BCL11B: variants seen among roughly 807,000 people sequenced by gnomAD.
The protein encoded by BCL11B is BCL11 transcription factor B, also known as B-cell lymphoma/leukemia 11B.
Under a neutral mutation model 49.9 loss-of-function variants are expected in BCL11B, and 8 were observed. The observed-to-expected ratio is 0.16, with a 90% CI of 0.09 to 0.29. The LOEUF (loss-of-function observed/expected upper bound fraction) is 0.29, where lower values mean the gene tolerates loss of function less well. Among genes scored for constraint, BCL11B ranks in the 10% least tolerant of loss-of-function variants. The probability of loss-of-function intolerance (pLI) is 1.00; values close to 1 mark genes in which losing one functional copy is unlikely to be tolerated. For missense variants in BCL11B, 1,006 were observed against 1,351.0 expected (o/e 0.74, Z 4.00); for synonymous variants, 739 against 637.4 (o/e 1.16, Z -2.40).
intron 2 of BCL11B, among the ~76,000 whole-genome samples, chr14:99,238,799 A>G (rs1297150128): frequency 1.3e-5 from 2 of 152,222 alleles, no homozygotes; most frequent in Non-Finnish European, 2.9e-5. Flanking sequence ...TCACGGCTTC[A>G]GGACACAGAT....
At chr14:99,270,110 T>A (rs903427504) in intron 1 of BCL11B, among the ~76,000 whole-genome samples, 5 of 151,758 alleles carry the variant, frequency 3.3e-5, no homozygotes, top group African/African-American at 7.3e-5. Flanking sequence ...CTCTGCTAAA[T>A]AAACCCAACA....
At chr14:99,197,770 C>T (rs577846954) in intron 3 of BCL11B, among the ~76,000 whole-genome samples, 6 of 152,158 alleles carry the variant, frequency 3.9e-5, no homozygotes, top group Admixed American at 6.5e-5. Context: ...GACTCAGAGA[C>T]GGAGGCCATC....
chr14:99,230,439 A>G lies in BCL11B; in HGVS notation c.640+906T>C, dbSNP rs192101609. 5.8e-3 allele frequency among the ~76,000 whole-genome samples: 889 copies of G among 152,168 alleles called. 10 individuals carry two copies. The highest frequency in any genetic ancestry group is 0.02 in the African/African-American group (841 of 41,520). ...AAACCAGGCCACGGCTGCTCACCAC[A>G]TGTGTCTGTGTCAGCATCCTGGTTT... On this transcript the variant is annotated intron_variant, in intron 3 of 3. Coordinates refer to ENST00000357195, the MANE Select transcript of BCL11B (RefSeq NM_138576.4).
chr14:99,175,089 C>G lies in BCL11B; in HGVS notation c.1747G>C (p.Ala583Pro), dbSNP rs1025640501. The G allele has an allele frequency of 1.9e-6, 3 of 1,599,208 alleles. No individual in the cohort carries two copies. In the African/African-American group the frequency reaches 4.0e-5, roughly 21 times the overall value. The change falls in exon 4 of 4, where the codon GCG becomes CCG. Residue 583 changes from alanine (A) to proline (P), a missense_variant. Coordinates refer to ENST00000357195, the MANE Select transcript of BCL11B (RefSeq NM_138576.4). ...TTCTCGTCAGCCAGCGCCTTGGCCG[C>G]GCCGCCCCCCGCGCCCGGGACCCCG... ...VPGVPGAGGG[A>P]AKALADEKAL...
rs982147074 is a variant in BCL11B, at chr14:99,173,586, A to G, written c.*565T>C. ...AAAATTAAAAAATAATTAAAAAAAA[A>G]ACTGCATGCCACTTTTTATTTCAGG... On this transcript the variant is annotated 3_prime_UTR_variant, in exon 4 of 4. Transcript: ENST00000357195. 7 of 199,212 alleles carry G rather than the reference A, an allele frequency of 3.5e-5. No individual in the cohort carries two copies. Among genetic ancestry groups the G allele is most frequent in the Non-Finnish European group, 6.2e-5 (6 of 96,348 alleles). 12.3% of individuals were successfully genotyped at this position (199,212 alleles called of 1,614,324 possible).
At chr14:99,225,332 T>C (rs949986701) in intron 3 of BCL11B, among the ~76,000 whole-genome samples, 2 of 152,160 alleles carry the variant, frequency 1.3e-5, no homozygotes, top group African/African-American at 4.8e-5. Flanking sequence ...TGGTCTTAGA[T>C]TGTTATAGAC....
Position 99,173,990 on chromosome 14 carries a change from T to C in BCL11B, c.*161A>G, listed in dbSNP as rs1033693167. ...GCCTTAATCAACCCTCGGGTTTCCA[T>C]AGGACTTCGCAGACACAGGTTAGGT... On this transcript the variant is annotated 3_prime_UTR_variant, in exon 4 of 4. Transcript: ENST00000357195. The C allele has an allele frequency of 2.1e-5, 14 of 653,912 alleles. No individual in the cohort carries two copies. Among genetic ancestry groups the C allele is most frequent in the South Asian group, 3.8e-5 (2 of 52,318 alleles). 40.5% of individuals were successfully genotyped at this position (653,912 alleles called of 1,614,324 possible). A position where few individuals can be genotyped will look rare whatever the true frequency, so the allele number is the denominator to read the frequency against.
At chr14:99,240,138 A>G (rs1449998011) in intron 2 of BCL11B, among the ~76,000 whole-genome samples, 1 of 152,190 alleles carries the variant, frequency 6.6e-6, no homozygotes, top group Non-Finnish European at 1.5e-5. Context: ...CTTGTTTCAG[A>G]TGGAACAGAA....
At position 99,175,948 on chromosome 14, in the gene BCL11B, G is replaced by A. The variant is rs1452183907; in HGVS notation, c.888C>T (p.Gly296=). The stretch of plus-strand genomic sequence containing the variant: ...AGCCCGGGTGGTCCCGCAGGATGGG[G>A]CCCGTCATGCGCAGCAGGTTGAAGG... ...SNPFNLLRMT[G]PILRDHPGFG... is the part of the protein sequence containing the mutation. The change falls in exon 4 of 4, where the codon GGC becomes GGT. Residue 296 remains glycine, a synonymous_variant. Coordinates refer to ENST00000357195, the MANE Select transcript of BCL11B (RefSeq NM_138576.4). 1 of 1,458,016 alleles carries A rather than the reference G, an allele frequency of 6.9e-7. No homozygotes were observed. Among genetic ancestry groups the A allele is most frequent in the South Asian group, 1.4e-5 (1 of 69,244 alleles). 90.3% of individuals were successfully genotyped at this position (1,458,016 alleles called of 1,614,324 possible). A position where few individuals can be genotyped will look rare whatever the true frequency, so the allele number is the denominator to read the frequency against.
At chr14:99,186,641 A>G (rs1245279187) in intron 3 of BCL11B, among the ~76,000 whole-genome samples, 2 of 152,260 alleles carry the variant, frequency 1.3e-5, no homozygotes, top group African/African-American at 2.4e-5. Flanking sequence ...GCAAAATTGA[A>G]AAGGGAGAGG....
intron 3 of BCL11B, among the ~76,000 whole-genome samples, chr14:99,209,949 A>G (rs58404710): frequency 1.3e-5 from 2 of 152,252 alleles, no homozygotes; most frequent in East Asian, 1.9e-4. Context: ...TCCCATAACC[A>G]GGAAGACCTC....
At chr14:99,190,636 G>A (rs984496006) in intron 3 of BCL11B, among the ~76,000 whole-genome samples, 1 of 152,130 alleles carries the variant, frequency 6.6e-6, no homozygotes, top group Non-Finnish European at 1.5e-5. Context: ...AAAGGAGGGA[G>A]GAAGGGCAGT....
chr14:99,216,814 C>T (rs1000196459), intron 3 of BCL11B, among the ~76,000 whole-genome samples: 20 of 152,218 alleles, frequency 1.3e-4, no homozygotes, highest in African/African-American at 4.8e-4. Flanking sequence ...TCAACATGCA[C>T]ATATGCACAT....
Position 99,257,359 on chromosome 14 carries a change from G to T in BCL11B, c.427+112C>A. On this transcript the variant is annotated intron_variant, in intron 2 of 3. Transcript: ENST00000357195. The surrounding 1 kb of genome is among the most constrained non-coding windows in gnomAD (Gnocchi z 6.2). ...AGGGGGAGCCCCGGCTGGTGGCCCA[G>T]AGGCCATCCTGGAAGCCCCTGGGCC... 7.2e-7 allele frequency: 1 copy of T among 1,382,776 alleles called. No individual in the cohort carries two copies. Among genetic ancestry groups the T allele is most frequent in the Non-Finnish European group, 9.6e-7 (1 of 1,044,016 alleles). 85.7% of individuals were successfully genotyped at this position (1,382,776 alleles called of 1,614,324 possible). A position where few individuals can be genotyped will look rare whatever the true frequency, so the allele number is the denominator to read the frequency against.
At chr14:99,270,815 C>A (rs899757795) in intron 1 of BCL11B, among the ~76,000 whole-genome samples, 7 of 149,002 alleles carry the variant, frequency 4.7e-5, no homozygotes, top group African/African-American at 1.5e-4. Flanking sequence ...CCAGCGCCGC[C>A]GCCGCCACAC....
rs3916222 is a variant in BCL11B, at chr14:99,241,596, C to T, written c.428-10039G>A. 0.33 allele frequency among the ~76,000 whole-genome samples: 50,782 copies of T among 152,052 alleles called. 9,637 individuals carry two copies. Among genetic ancestry groups the T allele is most frequent in the Non-Finnish European group, 0.44 (29,653 of 67,940 alleles). ...TGACAGCTGCCTCCTGCCCTTGGAG[C>T]GGCCAAGTGCAAACAAAAATGAGAC... is the stretch of plus-strand genomic sequence containing the variant. On this transcript the variant is annotated intron_variant, in intron 2 of 3. Coordinates refer to ENST00000357195, the MANE Select transcript of BCL11B (RefSeq NM_138576.4). This position sits in a 1 kb window ranked among gnomAD's most constrained non-coding sequence, Gnocchi z 4.4.
Position 99,170,654 on chromosome 14 carries a change from C to T in BCL11B, c.*3497G>A, listed in dbSNP as rs556592297. 4.3e-6 allele frequency: 1 copy of T among 233,074 alleles called. No individual in the cohort carries two copies. The highest frequency in any genetic ancestry group is 2.2e-5 in the African/African-American group (1 of 45,250). The allele number at this position is 233,074 out of a possible 1,614,324, so 14.4% of individuals were successfully genotyped here. ...AGAGAGAACGAGATATGGAAAGGCA[C>T]CAAATTCATCCCAGGCCCTCGCATT... On this transcript the variant is annotated 3_prime_UTR_variant, in exon 4 of 4. Transcript: ENST00000357195.
intron 1 of BCL11B, chr14:99,264,410 A>G (rs1290242497): frequency 6.6e-6 from 1 of 152,270 alleles, no homozygotes; most frequent in African/African-American, 2.4e-5. Context: ...TAGAAAACTC[A>G]TTAGAACATT....
intron 2 of BCL11B, among the ~76,000 whole-genome samples, chr14:99,235,250 C>T (rs555748131): frequency 2.6e-5 from 4 of 152,314 alleles, no homozygotes; most frequent in Non-Finnish European, 4.4e-5. Flanking sequence ...GTGCAGGAGA[C>T]GAGTATTTTT....
Sources: gnomAD v4.1 joint callset for allele counts (sites outside exome capture counted in the v4.1 genomes callset) on GRCh38, gnomAD v4.1.1 for gene constraint, Gnocchi (gnomAD v3.1) non-coding constraint, MANE v1.5 for transcripts, NCBI Gene and HGNC (gene_info 2026-07-23, HGNC 2026-07-21) for gene names.